Variants in SNAP29 observed in about 807,000 individuals in gnomAD.
SNAP29 encodes synaptosomal-associated protein 29.
Under a neutral mutation model 27.9 loss-of-function variants are expected in SNAP29, and 13 were observed. The ratio of observed to expected loss-of-function variants is 0.47; its 90% CI spans 0.30 to 0.74. The LOEUF (loss-of-function observed/expected upper bound fraction) is 0.74, where lower values mean the gene tolerates loss of function less well. Ranked by LOEUF, SNAP29 falls within the 30% of genes least tolerant of loss-of-function variation. The pLI, the probability that SNAP29 is intolerant of heterozygous loss-of-function variation, is 0.06. For synonymous variants in SNAP29, 119 were observed against 127.1 expected, an observed-to-expected ratio of 0.94 and a Z score of 0.43; for missense variants, 368 against 336.5, an observed-to-expected ratio of 1.09 and a Z score of -0.73.
intron 1 of SNAP29, among the ~76,000 whole-genome samples, chr22:20,866,418 C>T (rs530665223): frequency 4.5e-4 from 68 of 152,364 alleles, no homozygotes; most frequent in African/African-American, 1.2e-3. Context: ...AGATTCAGCT[C>T]ACTGACTCCA....
rs182111937 is a variant in SNAP29, at chr22:20,877,660, G to C, written c.435-3389G>C. ...GAACCAGGGAGGTGGAGGTTGCAGTGAGCCGAGGTCATGCCCCTGCACTCC... is the reference window on the plus strand; with the variant it reads ...GAACCAGGGAGGTGGAGGTTGCAGTCAGCCGAGGTCATGCCCCTGCACTCC... On this transcript the variant is annotated intron_variant, in intron 2 of 4. Coordinates refer to ENST00000215730, the MANE Select transcript of SNAP29 (RefSeq NM_004782.4). Among the ~76,000 whole-genome samples, 102 of 152,234 alleles carry C rather than the reference G, an allele frequency of 6.7e-4. 2 individuals are homozygous for C. The East Asian group carries it at 0.018, about 27-fold the overall frequency.
intron 4 of SNAP29, among the ~76,000 whole-genome samples, chr22:20,885,869 G>A (rs888069349): frequency 2.0e-5 from 3 of 152,172 alleles, no homozygotes; most frequent in African/African-American, 4.8e-5. Flanking sequence ...CACTCTTCCC[G>A]TCTTAACACT....
At chr22:20,868,615 T>TAA (rs362186) in intron 1 of SNAP29, among the ~76,000 whole-genome samples, 1 of 151,850 alleles carries the variant, frequency 6.6e-6, no homozygotes, top group East Asian at 1.9e-4. Flanking sequence ...AGAATATATC[T>TAA]AAAAAACATT....
At chr22:20,877,521 AC>A (rs1928777009) in intron 2 of SNAP29, among the ~76,000 whole-genome samples, 1 of 151,896 alleles carries the variant, frequency 6.6e-6, no homozygotes, top group Non-Finnish European at 1.5e-5. Flanking sequence ...GCACCATTGT[AC>A]CCCAGCCTGG....
rs111283820 is a variant in SNAP29 at position 20,888,212 on chromosome 22, T to C, written c.*376T>C. On this transcript the variant is annotated 3_prime_UTR_variant, in exon 5 of 5. Coordinates refer to ENST00000215730, the MANE Select transcript of SNAP29 (RefSeq NM_004782.4). ...TGCAGCCATGAGCCTCTATTTCTCA[T>C]TCCTAAGCCTTACCATGAGTCAGAG... The C allele has an allele frequency of 9.0e-4, 304 of 338,942 alleles. No individual in the cohort carries two copies. Among genetic ancestry groups the C allele is most frequent in the African/African-American group, 5.9e-3 (275 of 46,438 alleles). The allele number at this position is 338,942 out of a possible 1,614,324, so 21.0% of individuals were successfully genotyped here.
At chr22:20,869,148 T>C (rs1214902823) in intron 1 of SNAP29, among the ~76,000 whole-genome samples, 1 of 152,214 alleles carries the variant, frequency 6.6e-6, no homozygotes, top group African/African-American at 2.4e-5. Context: ...GAATCCCAGC[T>C]ACTCAGGAGA....
intron 1 of SNAP29, among the ~76,000 whole-genome samples, chr22:20,861,016 G>A (rs1928304118): frequency 6.6e-6 from 1 of 152,024 alleles, no homozygotes; most frequent in African/African-American, 2.4e-5. Flanking sequence ...CAGCTTGGGC[G>A]ACAGAGCAAC....
intron 3 of SNAP29, 74 bp downstream of exon 3, chr22:20,881,208 G>C: frequency 1.9e-6 from 2 of 1,046,984 alleles, no homozygotes; most frequent in African/African-American, 1.6e-5. Flanking sequence ...TTGGTCCTTG[G>C]GGGGCAGTGG....
intron 3 of SNAP29, among the ~76,000 whole-genome samples, 174 bp from the exon 4 acceptor site, chr22:20,883,294 CTCT>C (rs1483339839): frequency 1.3e-5 from 2 of 152,164 alleles, no homozygotes; most frequent in African/African-American, 2.4e-5. Context: ...GTGGAAGCGT[CTCT>C]TCTTCTGGCC....
intron 1 of SNAP29, among the ~76,000 whole-genome samples, chr22:20,869,512 A>T (rs1208852913): frequency 1.3e-5 from 2 of 152,198 alleles, no homozygotes; most frequent in Non-Finnish European, 2.9e-5. Context: ...TGGATGGGCT[A>T]GAGTCAGACA....
chr22:20,870,271 G>A, intron 1 of SNAP29, 66 bp from the exon 2 acceptor site: 1 of 1,448,214 alleles, frequency 6.9e-7, no homozygotes, highest in Admixed American at 1.7e-5. Context: ...TGCTCCATGT[G>A]GTCCTTGACT....
At chr22:20,874,348 GCCACACA>G (rs1928681284) in intron 2 of SNAP29, among the ~76,000 whole-genome samples, 1 of 63,146 alleles carries the variant, frequency 1.6e-5, no homozygotes, top group African/African-American at 5.5e-5. Context: ...ACGAAAATTA[GCCACACA>G]CACACACACA....
intron 4 of SNAP29, among the ~76,000 whole-genome samples, chr22:20,885,373 G>A (rs1387197576): frequency 6.6e-6 from 1 of 152,074 alleles, no homozygotes; most frequent in Non-Finnish European, 1.5e-5. Flanking sequence ...TCTGTGCACG[G>A]GTTTTCTCCT....
rs927949418 is a variant in SNAP29, at chr22:20,887,571, C to A, written c.620-108C>A. 4 of 1,200,426 alleles carry A rather than the reference C, an allele frequency of 3.3e-6. No homozygotes were observed. In the Admixed American group the frequency reaches 5.0e-5, roughly 15 times the overall value. 74.4% of individuals were successfully genotyped at this position (1,200,426 alleles called of 1,614,324 possible). On this transcript the variant is annotated intron_variant, in intron 4 of 4. Transcript: ENST00000215730. ...CATCTCTGCAGTGGGTGCAGTCCCC[C>A]CAGGCAACACAGATCCCTGTCTCTC...
Position 20,870,549 on chromosome 22 carries a change from A to G in SNAP29, c.434+16A>G, listed in dbSNP as rs373506711. 1 of 1,610,820 alleles carries G rather than the reference A, an allele frequency of 6.2e-7. No individual in the cohort carries two copies. Among genetic ancestry groups the G allele is most frequent in the African/African-American group, 1.3e-5 (1 of 74,866 alleles). On this transcript the variant is annotated intron_variant, in intron 2 of 4. Transcript: ENST00000215730. Reference sequence around the variant, plus strand: ...CCAACAACAGGTGAGTGCATCTTCTACCATCTGGGTATAAAGGAGCAGAAG... The same window carrying G: ...CCAACAACAGGTGAGTGCATCTTCTGCCATCTGGGTATAAAGGAGCAGAAG...
chr22:20,885,768 G>A (rs948521061), intron 4 of SNAP29, among the ~76,000 whole-genome samples: 16 of 152,210 alleles, frequency 1.1e-4, no homozygotes, highest in Non-Finnish European at 1.8e-4. Flanking sequence ...GCAGAAGGGC[G>A]AGTGGCTAGT....
At chr22:20,882,065 C>T (rs535065225) in intron 3 of SNAP29, among the ~76,000 whole-genome samples, 19 of 151,914 alleles carry the variant, frequency 1.3e-4, no homozygotes, top group African/African-American at 4.6e-4. Context: ...GAGAAAGGGG[C>T]CCACCTGCCA....
chr22:20,859,071 T>G lies in SNAP29; in HGVS notation c.-40T>G, dbSNP rs886057263. ...CCCTGGACGGCGGCGGCAGTGGGGC[T>G]CCTCCTTCTGTTTCCCAGACCGAGA... is the stretch of plus-strand genomic sequence containing the variant. On this transcript the variant is annotated 5_prime_UTR_variant, in exon 1 of 5. Coordinates refer to ENST00000215730, the MANE Select transcript of SNAP29 (RefSeq NM_004782.4). 1.1e-5 allele frequency: 17 copies of G among 1,517,804 alleles called. No homozygotes were observed. Among genetic ancestry groups the G allele is most frequent in the Non-Finnish European group, 1.5e-5 (17 of 1,103,092 alleles). The allele number at this position is 1,517,804 out of a possible 1,614,324, so 94.0% of individuals were successfully genotyped here. A position where few individuals can be genotyped will look rare whatever the true frequency, so the allele number is the denominator to read the frequency against.
chr22:20,871,926 A>G (rs866354144), intron 2 of SNAP29, among the ~76,000 whole-genome samples: 1 of 152,126 alleles, frequency 6.6e-6, no homozygotes, highest in Non-Finnish European at 1.5e-5. Context: ...TCAGTGTTAC[A>G]TGTTCAAGGA....
Sources: gnomAD v4.1 joint callset for allele counts (sites outside exome capture counted in the v4.1 genomes callset) on GRCh38, gnomAD v4.1.1 for gene constraint, MANE v1.5 for transcripts, NCBI Gene and HGNC (gene_info 2026-07-23, HGNC 2026-07-21) for gene names.